KCNH7: variants seen among roughly 807,000 people sequenced by gnomAD.
KCNH7 encodes potassium voltage-gated channel subfamily H member 7.
In KCNH7, 49 loss-of-function variants were observed where a neutral mutation model predicts 120.8. The observed-to-expected ratio is 0.41, with a 90% CI of 0.32 to 0.51. The LOEUF is 0.51. Ranked by LOEUF, KCNH7 falls within the 20% of genes least tolerant of loss-of-function variation. The pLI is 0.38. For missense variants in KCNH7, 1,097 were observed against 1,446.6 expected, an observed-to-expected ratio of 0.76 and a Z score of 3.92; for synonymous variants, 547 against 516.1, an observed-to-expected ratio of 1.06 and a Z score of -0.81.
intron 6 of KCNH7, 76 bp downstream of exon 6, chr2:162,504,367 A>G (rs1690791574): frequency 3.6e-5 from 40 of 1,106,796 alleles, no homozygotes; most frequent in Middle Eastern, 2.1e-4. Flanking sequence ...AGTCATTTAT[A>G]AGAAAAAGAA....
chr2:162,766,230 C>A (rs567412557), intron 2 of KCNH7, among the ~76,000 whole-genome samples: 1 of 151,990 alleles, frequency 6.6e-6, no homozygotes, highest in Non-Finnish European at 1.5e-5. Flanking sequence ...ATTACCCGTG[C>A]CCCTTATTGA....
Position 162,838,547 on chromosome 2 carries a change from C to T in KCNH7, c.-29G>A. The T allele has an allele frequency of 1.9e-6, 3 of 1,589,282 alleles. No individual in the cohort carries two copies. Among genetic ancestry groups the T allele is most frequent in the Non-Finnish European group, 1.7e-6 (2 of 1,161,940 alleles). The stretch of plus-strand genomic sequence containing the variant: ...GGCCCCGGTCTTCCGAGGAGCGCTC[C>T]CCCGGAGCTCTGGAGTTCTCCCGGG... On this transcript the variant is annotated 5_prime_UTR_variant, in exon 1 of 16. Coordinates refer to ENST00000332142, the MANE Select transcript of KCNH7 (RefSeq NM_033272.4).
At chr2:162,663,570 C>A (rs962628042) in intron 2 of KCNH7, among the ~76,000 whole-genome samples, 1 of 152,046 alleles carries the variant, frequency 6.6e-6, no homozygotes, top group South Asian at 2.1e-4. Flanking sequence ...ACTGTTGCCC[C>A]ACTGTGAAAA....
chr2:162,548,564 T>A (rs1692557856), intron 2 of KCNH7, among the ~76,000 whole-genome samples: 1 of 151,522 alleles, frequency 6.6e-6, no homozygotes, highest in Non-Finnish European at 1.5e-5. Context: ...GGATGAAGGA[T>A]GAGGATGATG....
At chr2:162,666,291 C>A (rs1431925476) in intron 2 of KCNH7, among the ~76,000 whole-genome samples, 1 of 152,114 alleles carries the variant, frequency 6.6e-6, no homozygotes, top group Non-Finnish European at 1.5e-5. Context: ...ATCTTGGATT[C>A]TCTAACATCT....
At chr2:162,635,319 T>C (rs565726303) in intron 2 of KCNH7, among the ~76,000 whole-genome samples, 1 of 152,196 alleles carries the variant, frequency 6.6e-6, no homozygotes, top group Non-Finnish European at 1.5e-5. Flanking sequence ...GAAATGAAGT[T>C]GCCATTCTTG....
intron 6 of KCNH7, among the ~76,000 whole-genome samples, chr2:162,467,241 A>G (rs889750586): frequency 8.5e-5 from 13 of 152,352 alleles, no homozygotes; most frequent in Middle Eastern, 3.4e-3. Flanking sequence ...TATGAAATCA[A>G]TGTGTCAACT....
intron 6 of KCNH7, 75 bp downstream of exon 6, chr2:162,504,368 A>T: frequency 8.9e-7 from 1 of 1,120,180 alleles, no homozygotes; most frequent in Non-Finnish European, 1.3e-6. Flanking sequence ...GTCATTTATA[A>T]GAAAAAGAAT....
At chr2:162,594,557 T>TAA (rs145095115) in intron 2 of KCNH7, among the ~76,000 whole-genome samples, 20 of 151,942 alleles carry the variant, frequency 1.3e-4, no homozygotes, top group African/African-American at 4.3e-4. Flanking sequence ...ATAACAGTCA[T>TAA]AAAAAACACA....
At chr2:162,744,464 C>T (rs1159696847) in intron 2 of KCNH7, among the ~76,000 whole-genome samples, 2 of 152,048 alleles carry the variant, frequency 1.3e-5, no homozygotes, top group Non-Finnish European at 2.9e-5. Context: ...GCTTCCCTAC[C>T]AGGCAGGTAT....
At chr2:162,679,880 A>C (rs903567543) in intron 2 of KCNH7, among the ~76,000 whole-genome samples, 12 of 151,756 alleles carry the variant, frequency 7.9e-5, no homozygotes, top group Non-Finnish European at 1.6e-4. Context: ...CTTTCTAAAA[A>C]TGTATTTAAA....
chr2:162,589,977 C>A (rs1414584370), intron 2 of KCNH7, among the ~76,000 whole-genome samples: 1 of 151,814 alleles, frequency 6.6e-6, no homozygotes, highest in Non-Finnish European at 1.5e-5. Context: ...AAAATAAAAT[C>A]CACAAAAAAG....
At chr2:162,539,703 T>C (rs1692237132) in intron 2 of KCNH7, among the ~76,000 whole-genome samples, 1 of 152,122 alleles carries the variant, frequency 6.6e-6, no homozygotes, top group African/African-American at 2.4e-5. Flanking sequence ...CTGGGATTTA[T>C]TGCCCACTAT....
intron 2 of KCNH7, among the ~76,000 whole-genome samples, chr2:162,667,853 T>C (rs1559072705): frequency 2.0e-5 from 3 of 152,230 alleles, no homozygotes; most frequent in Admixed American, 6.5e-5. Context: ...ACTAAGTTCA[T>C]TGAAGGCATG....
At chr2:162,785,275 G>T (rs544680966) in intron 2 of KCNH7, 1 of 152,308 alleles carries the variant, frequency 6.6e-6, no homozygotes, top group African/African-American at 2.4e-5. Context: ...TAAACCAAGA[G>T]ACATCAGTCT....
chr2:162,427,877 T>C (rs534246925), intron 8 of KCNH7, among the ~76,000 whole-genome samples: 20 of 152,024 alleles, frequency 1.3e-4, no homozygotes, highest in Admixed American at 1.3e-4. Context: ...TGTTATTATC[T>C]TTCTTTCATA....
chr2:162,409,508 T>C (rs1416465183), intron 9 of KCNH7, among the ~76,000 whole-genome samples: 1 of 151,814 alleles, frequency 6.6e-6, no homozygotes, highest in Non-Finnish European at 1.5e-5. Context: ...AATTATAAAA[T>C]AGATGCAAAA....
chr2:162,395,480 A>G (rs942686623), intron 11 of KCNH7, among the ~76,000 whole-genome samples: 1 of 151,640 alleles, frequency 6.6e-6, no homozygotes, highest in African/African-American at 2.4e-5. Flanking sequence ...TCTGTCTAAT[A>G]TTGTCTACCT....
At chr2:162,734,455 C>T (rs527576030) in intron 2 of KCNH7, among the ~76,000 whole-genome samples, 112 of 152,206 alleles carry the variant, frequency 7.4e-4, no homozygotes, top group African/African-American at 2.3e-3. Context: ...AGCACTAAAG[C>T]GACATGGTGT....
Sources: gnomAD v4.1 joint callset for allele counts (sites outside exome capture counted in the v4.1 genomes callset) on GRCh38, gnomAD v4.1.1 for gene constraint, MANE v1.5 for transcripts, NCBI Gene and HGNC (gene_info 2026-07-23, HGNC 2026-07-21) for gene names.